Variants in RALGAPA1 observed in about 807,000 individuals in gnomAD.
The protein encoded by RALGAPA1 is Ral GTPase activating protein catalytic subunit alpha 1, also known as ral GTPase-activating protein subunit alpha-1.
Under a neutral mutation model 269.6 loss-of-function variants are expected in RALGAPA1, and 52 were observed. The ratio of observed to expected loss-of-function variants is 0.19; its 90% confidence interval spans 0.15 to 0.24. RALGAPA1 has a LOEUF of 0.24. RALGAPA1 is among the 10% of genes least tolerant of loss of function. The pLI is 1.00. For missense variants in RALGAPA1, 1,917 were observed against 3,013.9 expected (o/e 0.64, Z 8.52); for synonymous variants, 817 against 1,008.3 (o/e 0.81, Z 3.60).
chr14:35,605,796 T>C (rs2059563930), intron 35 of RALGAPA1, 87 bp from the exon 36 acceptor site: 1 of 1,443,644 alleles, frequency 6.9e-7, no homozygotes, highest in Admixed American at 2.5e-5. Context: ...ACAAAGTATG[T>C]AGCAATAAAA....
chr14:35,678,511 T>A (rs185879186), intron 21 of RALGAPA1, among the ~76,000 whole-genome samples: 93 of 152,318 alleles, frequency 6.1e-4, no homozygotes, highest in Non-Finnish European at 1.2e-3. Flanking sequence ...TGGTTTACAG[T>A]GGTTCCCAGC....
At chr14:35,742,763 TA>T (rs199500409) in intron 10 of RALGAPA1, among the ~76,000 whole-genome samples, 198 bp from the exon 11 acceptor site, 16,620 of 128,582 alleles carry the variant, frequency 0.13, 1,447 homozygotes, top group East Asian at 0.41. Context: ...ATATTTCTAG[TA>T]AAAAAAAAAA....
chr14:35,584,861 A>C (rs1439688697), intron 37 of RALGAPA1, among the ~76,000 whole-genome samples: 1 of 152,198 alleles, frequency 6.6e-6, no homozygotes, highest in Non-Finnish European at 1.5e-5. Context: ...CTATATTAAT[A>C]ATCACTTTAA....
At chr14:35,786,295 G>A (rs1371343749) in intron 1 of RALGAPA1, among the ~76,000 whole-genome samples, 6 of 152,142 alleles carry the variant, frequency 3.9e-5, no homozygotes, top group African/African-American at 1.4e-4. Context: ...AAAAAGTAGA[G>A]TGATACAGTC....
chr14:35,542,054 AAAAAG>A (rs1566635300), intron 41 of RALGAPA1: 1 of 1,205,262 alleles, frequency 8.3e-7, no homozygotes, highest in Admixed American at 2.4e-5. Flanking sequence ...TCAAATAGGA[AAAAAG>A]AAAAGAAGAA....
chr14:35,613,163 C>A (rs1380335145), intron 35 of RALGAPA1, among the ~76,000 whole-genome samples: 1 of 151,762 alleles, frequency 6.6e-6, no homozygotes. Flanking sequence ...CTCACTGCAG[C>A]CTCTGCTTCC....
intron 4 of RALGAPA1, among the ~76,000 whole-genome samples, chr14:35,769,653 A>G (rs1015081268): frequency 6.6e-6 from 1 of 152,184 alleles, no homozygotes; most frequent in Non-Finnish European, 1.5e-5. Context: ...GAAAGGGGAC[A>G]TCACTATTGA....
chr14:35,541,742 T>A (rs1318953816), intron 41 of RALGAPA1: 1 of 456,888 alleles, frequency 2.2e-6, no homozygotes, highest in Non-Finnish European at 4.4e-6. Flanking sequence ...CTGTTTACCT[T>A]GAGATGGCCA....
intron 1 of RALGAPA1, among the ~76,000 whole-genome samples, chr14:35,796,480 CA>C (rs540203719): frequency 9.9e-4 from 151 of 152,094 alleles, no homozygotes; most frequent in Non-Finnish European, 1.8e-3. Flanking sequence ...AAATAATGAC[CA>C]AAATTTTTCC....
intron 16 of RALGAPA1, among the ~76,000 whole-genome samples, chr14:35,703,235 G>A (rs754617962): frequency 3.7e-4 from 56 of 152,184 alleles, no homozygotes; most frequent in Non-Finnish European, 4.6e-4. Flanking sequence ...ACTTTGGGAG[G>A]CCAAGGCAGG....
intron 35 of RALGAPA1, among the ~76,000 whole-genome samples, chr14:35,619,564 T>C (rs562824073): frequency 6.6e-6 from 1 of 152,274 alleles, no homozygotes; most frequent in East Asian, 1.9e-4. Context: ...ATCCAGGAGC[T>C]GGTTTTTTGA....
At chr14:35,626,278 C>G (rs1402882614) in intron 34 of RALGAPA1, among the ~76,000 whole-genome samples, 2 of 152,072 alleles carry the variant, frequency 1.3e-5, no homozygotes, top group African/African-American at 2.4e-5. Flanking sequence ...AGCAAACAAG[C>G]AGATCTCTAT....
chr14:35,678,095 T>G lies in RALGAPA1; in HGVS notation c.4479A>C (p.Glu1493Asp), dbSNP rs2065111841. Residue 1493 changes from glutamate to aspartate, a missense_variant, in exon 22 of 42, where the codon GAA becomes GAC. Physicochemically the swap from Glu to Asp is conservative, Grantham distance 45. Coordinates refer to ENST00000680220, the MANE Select transcript of RALGAPA1 (RefSeq NM_001346249.2). Reference protein sequence around the residue: ...SAEVATITGSESASPVHSPLG... With the variant: ...SAEVATITGSDSASPVHSPLG... ...GAGGTGAGTGGACTGGGGAAGCACTTTCTGAACCTGTAAATATAATTTCAT... is the reference window on the plus strand; with the variant it reads ...GAGGTGAGTGGACTGGGGAAGCACTGTCTGAACCTGTAAATATAATTTCAT... 1 of 1,601,052 alleles carries G rather than the reference T, an allele frequency of 6.2e-7. No homozygotes were observed. The highest frequency in any genetic ancestry group is 1.1e-5 in the South Asian group (1 of 88,132).
rs375786334 is a variant in RALGAPA1 at position 35,702,722 on chromosome 14, A to ATAT, written c.2267-2421_2267-2420insATA. Among the ~76,000 whole-genome samples, 538 of 115,468 alleles carry ATAT rather than the reference A, an allele frequency of 4.7e-3. 1 individual carries two copies. The highest frequency in any genetic ancestry group is 7.3e-3 in the Admixed American group (80 of 10,894). The allele number at this position is 115,468 out of a possible 152,430, so 75.8% of individuals were successfully genotyped here. A position where few individuals can be genotyped will look rare whatever the true frequency, so the allele number is the denominator to read the frequency against. On this transcript the variant is annotated intron_variant, in intron 16 of 41. Transcript: ENST00000680220. The stretch of plus-strand genomic sequence containing the variant: ...GTTGTAATCACCTTTAATTAAAAAA[A>ATAT]AAAAATATATATATATATACATTTT...
At chr14:35,682,667 T>G (rs2065556198) in intron 21 of RALGAPA1, among the ~76,000 whole-genome samples, 1 of 152,176 alleles carries the variant, frequency 6.6e-6, no homozygotes, top group African/African-American at 2.4e-5. Flanking sequence ...TAGTTTTTAT[T>G]TGCATTCTCT....
At position 35,685,057 on chromosome 14, in the gene RALGAPA1, G is replaced by C. The variant is rs770598333; in HGVS notation, c.4166C>G (p.Pro1389Arg). 6.2e-7 allele frequency: 1 copy of C among 1,600,784 alleles called. No homozygotes were observed. Among genetic ancestry groups the C allele is most frequent in the Admixed American group, 1.7e-5 (1 of 58,036 alleles). Residue 1389 changes from proline to arginine, a missense_variant, in exon 20 of 42, where the codon CCT (proline) becomes CGT (arginine). Around this residue, in one of 11 missense-constraint regions of RALGAPA1, gnomAD observed 615 missense variants for 790.0 expected, o/e 0.78. Transcript: ENST00000680220. ...TGAGGGCACACCTGGGTCATCAATA[G>C]GGCGCATCTGGTTCTGCTTGTTTAG... is the stretch of plus-strand genomic sequence containing the variant. ...DILNKQNQMR[P>R]IDDPGVPSEW...
At position 35,654,433 on chromosome 14, in the gene RALGAPA1, G is replaced by A. The variant is rs752139563; in HGVS notation, c.5541C>T (p.His1847=). Residue 1847 remains histidine, a synonymous_variant, in exon 30 of 42, where the codon CAC becomes CAT. Coordinates refer to ENST00000680220, the MANE Select transcript of RALGAPA1 (RefSeq NM_001346249.2). ...GTCTAGGTACATAATGAACCAGCAT[G>A]TGAAGCATGTTACAAGCTACGTGGG... ...TVAHVACNML[H]MLVHYVPRLQ... The A allele has an allele frequency of 7.5e-6, 12 of 1,607,136 alleles. No homozygotes were observed. Among genetic ancestry groups the A allele is most frequent in the Non-Finnish European group, 1.0e-5 (12 of 1,178,540 alleles).
intron 41 of RALGAPA1, among the ~76,000 whole-genome samples, chr14:35,547,914 A>G (rs35619454): frequency 0.041 from 6,269 of 152,228 alleles, 367 homozygotes; most frequent in African/African-American, 0.12. Flanking sequence ...GAATTACAGT[A>G]ACTTTTTCCA....
intron 20 of RALGAPA1, among the ~76,000 whole-genome samples, chr14:35,684,470 G>A (rs1175283129): frequency 5.3e-5 from 8 of 152,162 alleles, no homozygotes; most frequent in African/African-American, 1.9e-4. Flanking sequence ...TCATAATCAT[G>A]ACTGGCTTTT....
Sources: allele counts gnomAD v4.1 joint callset (sites outside exome capture counted in the v4.1 genomes callset), GRCh38; gene constraint gnomAD v4.1.1; regional missense constraint gnomAD v4.1.1; transcripts MANE v1.5; gene names NCBI Gene and HGNC (gene_info 2026-07-23, HGNC 2026-07-21).